NLRP5: variants seen among roughly 807,000 people sequenced by gnomAD.
The protein encoded by NLRP5 is NACHT, LRR and PYD domains-containing protein 5.
NLRP5 carries 93 observed loss-of-function variants against 113.1 expected under a neutral mutation model. The ratio of observed to expected loss-of-function variants is 0.82; its 90% CI spans 0.70 to 0.98. The LOEUF (loss-of-function observed/expected upper bound fraction) is 0.98. Ranked by LOEUF, NLRP5 falls within the 50% of genes least tolerant of loss-of-function variation. The pLI is 0.00. For missense variants in NLRP5, 1,808 were observed against 1,514.3 expected (o/e 1.19, Z -3.22); for synonymous variants, 751 against 600.7 (o/e 1.25, Z -3.66).
At chr19:56,046,399 C>CGT (rs139653516) in intron 11 of NLRP5, among the ~76,000 whole-genome samples, 2,467 of 148,152 alleles carry the variant, frequency 0.017, 29 homozygotes, top group African/African-American at 0.032. Flanking sequence ...TTTGTAGTTT[C>CGT]GTGTGTGTGT....
In NLRP5 at chr19:56,061,377, C is replaced by T. The variant is rs1046939851; in HGVS notation, c.3471-19C>T. Reference sequence around the variant, plus strand: ...CGAAAGCAACATCTCAGTAACGAGTCCTCTCTCTGCCTCCCCAGGCTGTGG... The same window carrying T: ...CGAAAGCAACATCTCAGTAACGAGTTCTCTCTCTGCCTCCCCAGGCTGTGG... On this transcript the variant is annotated intron_variant, in intron 14 of 14. Coordinates refer to ENST00000390649, the MANE Select transcript of NLRP5 (RefSeq NM_153447.4). The T allele has an allele frequency of 6.2e-7, 1 of 1,611,316 alleles. No individual in the cohort carries two copies. Among genetic ancestry groups the T allele is most frequent in the African/African-American group, 1.3e-5 (1 of 74,914 alleles).
chr19:56,041,529 T>C (rs1983521428), intron 11 of NLRP5, among the ~76,000 whole-genome samples: 1 of 152,204 alleles, frequency 6.6e-6, no homozygotes, highest in African/African-American at 2.4e-5. Context: ...ATTGAGCACA[T>C]GACCAACGGC....
At chr19:56,043,813 G>C (rs1158576383) in intron 11 of NLRP5, among the ~76,000 whole-genome samples, 1 of 151,526 alleles carries the variant, frequency 6.6e-6, no homozygotes, top group African/African-American at 2.4e-5. Flanking sequence ...TCCTGACCTT[G>C]TGATTTGCCC....
At chr19:56,040,901 T>A (rs749353177) in intron 10 of NLRP5, 21 bp from the exon 11 acceptor site, 2 of 1,610,344 alleles carry the variant, frequency 1.2e-6, no homozygotes, top group Non-Finnish European at 8.5e-7. Context: ...TCATGTCCTC[T>A]CTGGGGCTCT....
rs182754679 is a variant in NLRP5 at position 56,056,867 on chromosome 19, C to T, written c.3300-1373C>T. ...CTATCATAAGAATTCCAGCCGGGTG[C>T]GGTGGTGCACGCCTGTAATCCCAGC... is the stretch of plus-strand genomic sequence containing the variant. On this transcript the variant is annotated intron_variant, in intron 13 of 14. Coordinates refer to ENST00000390649, the MANE Select transcript of NLRP5 (RefSeq NM_153447.4). Among the ~76,000 whole-genome samples the T allele has an allele frequency of 2.6e-4, 39 of 151,634 alleles. No individual in the cohort carries two copies. The East Asian group carries it at 5.1e-3, about 20-fold the overall frequency.
intron 1 of NLRP5, among the ~76,000 whole-genome samples, chr19:56,002,350 T>A (rs1007280703): frequency 6.6e-6 from 1 of 152,208 alleles, no homozygotes; most frequent in Non-Finnish European, 1.5e-5. Context: ...CAAAACTGTT[T>A]ACTGTGTTTA....
the NLRP5 span, among the ~76,000 whole-genome samples, chr19:55,990,693 T>C: frequency 6.6e-6 from 1 of 151,850 alleles, no homozygotes; most frequent in Admixed American, 6.6e-5. Flanking sequence ...GGCATGGTGG[T>C]GGGCGCCTGT....
At chr19:56,032,099 C>G (rs1423851746) in intron 7 of NLRP5, among the ~76,000 whole-genome samples, 1 of 152,112 alleles carries the variant, frequency 6.6e-6, no homozygotes, top group Admixed American at 6.6e-5. Context: ...AATCCCAGCA[C>G]CTTAGGAGGC....
intron 11 of NLRP5, among the ~76,000 whole-genome samples, chr19:56,041,862 C>T (rs1169015232): frequency 1.3e-5 from 2 of 152,130 alleles, no homozygotes; most frequent in African/African-American, 4.8e-5. Flanking sequence ...GGCAGGACAA[C>T]CACTTGAACC....
the NLRP5 span, chr19:55,987,768 C>T: frequency 7.0e-7 from 1 of 1,426,844 alleles, no homozygotes; most frequent in Admixed American, 1.7e-5. Context: ...GTCACTCATC[C>T]TCAGAAAATA....
At chr19:56,015,888 C>T in intron 4 of NLRP5, 90 bp downstream of exon 4, 2 of 906,234 alleles carry the variant, frequency 2.2e-6, no homozygotes, top group Non-Finnish European at 3.2e-6. Flanking sequence ...GGGAAATCCA[C>T]TTTCCCTTTC....
At chr19:56,005,231 T>TTTTATATATACACACATATATA (rs1346597490) in intron 2 of NLRP5, among the ~76,000 whole-genome samples, 3 of 143,744 alleles carry the variant, frequency 2.1e-5, no homozygotes, top group Non-Finnish European at 3.0e-5. Flanking sequence ...ACACATATAT[T>TTTTATATATACACACATATATA]TTTATATATA....
intron 1 of NLRP5, among the ~76,000 whole-genome samples, chr19:56,003,220 T>C (rs112992156): frequency 0.16 from 23,592 of 152,104 alleles, 2,088 homozygotes; most frequent in East Asian, 0.31. Flanking sequence ...GATGCAGTCT[T>C]GGCTCACTGC....
At chr19:55,990,084 T>TTTTC in the NLRP5 span, among the ~76,000 whole-genome samples, 696 of 33,240 alleles carry the variant, frequency 0.021, 7 homozygotes, top group African/African-American at 0.038. Context: ...TTTTTCTTTT[T>TTTTC]TTTTTTTTTT....
chr19:56,059,572 G>A (rs1216164462), intron 14 of NLRP5, among the ~76,000 whole-genome samples: 1 of 152,136 alleles, frequency 6.6e-6, no homozygotes, highest in Non-Finnish European at 1.5e-5. Flanking sequence ...TCACTCTGTT[G>A]CCTCCAGGCT....
chr19:56,012,293 C>T (rs1982225092), intron 3 of NLRP5, among the ~76,000 whole-genome samples: 1 of 152,144 alleles, frequency 6.6e-6, no homozygotes, highest in East Asian at 1.9e-4. Flanking sequence ...GGACTATAGG[C>T]ACCTGCCACC....
upstream of NLRP5, among the ~76,000 whole-genome samples, chr19:55,996,540 A>G (rs575348604): frequency 3.7e-4 from 56 of 152,000 alleles, no homozygotes; most frequent in Non-Finnish European, 2.4e-4. Context: ...CCTGTGTTCA[A>G]GTGTTCTCAT....
intron 11 of NLRP5, 89 bp downstream of exon 11, chr19:56,041,181 G>A: frequency 7.8e-7 from 1 of 1,289,772 alleles, no homozygotes; most frequent in Non-Finnish European, 1.1e-6. Context: ...TGGGGAGGGG[G>A]TGTGGACATC....
chr19:56,007,991 C>T (rs538711874), intron 2 of NLRP5, among the ~76,000 whole-genome samples: 2 of 140,450 alleles, frequency 1.4e-5, no homozygotes, highest in East Asian at 2.0e-4. Flanking sequence ...TGCAGTGGCG[C>T]GATCTCGGCT....
Sources: allele counts gnomAD v4.1 joint callset (sites outside exome capture counted in the v4.1 genomes callset), GRCh38; gene constraint gnomAD v4.1.1; transcripts MANE v1.5; gene names NCBI Gene and HGNC (gene_info 2026-07-23, HGNC 2026-07-21).